The following LMO7 variants were observed in gnomAD, a reference collection of about 807,000 sequenced individuals.
LMO7 encodes the protein LIM domain 7, also known as LIM domain only protein 7.
Under a neutral mutation model 206.5 loss-of-function variants are expected in LMO7, and 120 were observed. That is an observed-to-expected ratio of 0.58 (90% CI 0.50 to 0.68). The LOEUF is 0.68. Ranked by LOEUF, LMO7 falls within the 30% of genes least tolerant of loss-of-function variation. The probability of loss-of-function intolerance (pLI) is 0.00; values close to 1 mark genes in which losing one functional copy is unlikely to be tolerated. For missense variants in LMO7, 1,959 were observed against 1,957.9 expected (o/e 1.00, Z -0.01); for synonymous variants, 706 against 681.5 (o/e 1.04, Z -0.56).
At chr13:75,752,392 C>T (rs1048353035) in intron 3 of LMO7, among the ~76,000 whole-genome samples, 4 of 152,158 alleles carry the variant, frequency 2.6e-5, no homozygotes, top group African/African-American at 9.7e-5. Flanking sequence ...CTCAGCCTCC[C>T]ACAGTGCTGG....
chr13:75,706,601 A>G (rs951172471), intron 1 of LMO7, among the ~76,000 whole-genome samples: 3 of 152,276 alleles, frequency 2.0e-5, no homozygotes, highest in East Asian at 1.9e-4. Flanking sequence ...ACCTACACCC[A>G]TGCACACACA....
chr13:75,807,595 C>T lies in LMO7; in HGVS notation c.1312C>T (p.Leu438Phe). The T allele has an allele frequency of 6.2e-7, 1 of 1,614,004 alleles. No homozygotes were observed. Among genetic ancestry groups the T allele is most frequent in the Non-Finnish European group, 8.5e-7 (1 of 1,179,890 alleles). Residue 438 changes from leucine (L) to phenylalanine (F), a missense_variant, in exon 10 of 31, where the codon CTC (leucine) becomes TTC (phenylalanine). Physicochemically the swap from Leu to Phe is conservative, Grantham distance 22. Transcript: ENST00000377534. ...GPRLITRRKNLSYAPGYRRDD... is the reference protein window; with the variant it reads ...GPRLITRRKNFSYAPGYRRDD... ...AAGGCTCATAACCCGCAGGAAGAAT[C>T]TCTCTTATGCACCAGGCTATAGAAG...
chr13:75,644,688 G>A (rs2036858052), intron 1 of LMO7, among the ~76,000 whole-genome samples: 1 of 152,158 alleles, frequency 6.6e-6, no homozygotes, highest in Admixed American at 6.5e-5. Context: ...GAGTGCAGTG[G>A]TATGATCATA....
intron 2 of LMO7, among the ~76,000 whole-genome samples, chr13:75,715,731 A>G (rs143839608): frequency 2.0e-5 from 3 of 152,348 alleles, no homozygotes; most frequent in Middle Eastern, 3.4e-3. Flanking sequence ...CCAGATAACC[A>G]TATTTAGTAT....
intron 1 of LMO7, among the ~76,000 whole-genome samples, chr13:75,645,766 A>G (rs1487590113): frequency 6.6e-6 from 1 of 152,126 alleles, no homozygotes; most frequent in Non-Finnish European, 1.5e-5. Context: ...ATTGCCCTCT[A>G]GGTTTTTCTT....
chr13:75,783,433 C>T (rs917168316), intron 4 of LMO7, among the ~76,000 whole-genome samples: 3 of 152,140 alleles, frequency 2.0e-5, no homozygotes, highest in African/African-American at 7.2e-5. Context: ...AATTGATCCT[C>T]CCACCTCAGC....
chr13:75,736,159 T>C (rs190151953), intron 3 of LMO7, among the ~76,000 whole-genome samples: 38 of 152,376 alleles, frequency 2.5e-4, no homozygotes, highest in African/African-American at 8.9e-4. Context: ...AGAAATTCTA[T>C]CTAGTTTAGA....
intron 13 of LMO7, among the ~76,000 whole-genome samples, 153 bp downstream of exon 13, chr13:75,819,688 T>C (rs2057386226): frequency 6.6e-6 from 1 of 152,158 alleles, no homozygotes; most frequent in African/African-American, 2.4e-5. Flanking sequence ...TGGTCTGCGG[T>C]GAAAAAACAA....
intron 3 of LMO7, among the ~76,000 whole-genome samples, chr13:75,755,204 T>C (rs555894348): frequency 3.3e-5 from 5 of 152,266 alleles, no homozygotes; most frequent in African/African-American, 1.2e-4. Flanking sequence ...GCGGCTGGTC[T>C]TCACTGCCGC....
intron 7 of LMO7, among the ~76,000 whole-genome samples, chr13:75,803,826 T>C (rs1477436227): frequency 6.6e-6 from 1 of 152,158 alleles, no homozygotes. Context: ...TTTTTTTTTT[T>C]CTTCTCTTTC....
chr13:75,821,024 A>G (rs886487499), intron 13 of LMO7, among the ~76,000 whole-genome samples, 153 bp from the exon 14 acceptor site: 5 of 151,528 alleles, frequency 3.3e-5, no homozygotes, highest in Admixed American at 2.6e-4. Context: ...AGATAATTGT[A>G]TACATCTTTA....
At chr13:75,636,857 G>A in intron 1 of LMO7, 131 bp downstream of exon 1, 1 of 876,310 alleles carries the variant, frequency 1.1e-6, no homozygotes, top group South Asian at 1.4e-5. Context: ...GAACAAGCTG[G>A]TTTGCTTGTG....
chr13:75,675,791 A>G (rs960279360), intron 1 of LMO7, among the ~76,000 whole-genome samples: 1 of 152,244 alleles, frequency 6.6e-6, no homozygotes, highest in Non-Finnish European at 1.5e-5. Flanking sequence ...TTGGCCAGTG[A>G]GACATGATGC....
intron 14 of LMO7, among the ~76,000 whole-genome samples, chr13:75,822,217 C>T (rs2099204713): frequency 6.6e-6 from 1 of 152,132 alleles, no homozygotes; most frequent in Non-Finnish European, 1.5e-5. Flanking sequence ...GGAAGCAACA[C>T]AGTCCTAAGA....
In LMO7 at chr13:75,855,379, G is replaced by GACAA; in HGVS notation, c.4770+15_4770+18dup. 2 of 1,569,436 alleles carry GACAA rather than the reference G, an allele frequency of 1.3e-6. No homozygotes were observed. Among genetic ancestry groups the GACAA allele is most frequent in the Non-Finnish European group, 1.8e-6 (2 of 1,140,180 alleles). On this transcript the variant is annotated intron_variant, in intron 29 of 30. Coordinates refer to ENST00000377534, the MANE Select transcript of LMO7 (RefSeq NM_001306080.2). ...TTGCATTGTTTTAAGGTGAGACTGA[G>GACAA]ACAAACAGCTTGCAGGCCTGCAAAG... is the stretch of plus-strand genomic sequence containing the variant.
rs771973280 is a variant in LMO7 at position 75,849,300 on chromosome 13, A to T, written c.4364+8A>T. ...TCCTGGGATCATGAGAAGGTGCGAG[A>T]CATCTTAGGAATTGGTTTCTTGTCT... On this transcript the variant is annotated splice_region_variant and intron_variant, in intron 27 of 30. Coordinates refer to ENST00000377534, the MANE Select transcript of LMO7 (RefSeq NM_001306080.2). 1.2e-6 allele frequency: 2 copies of T among 1,605,648 alleles called. No homozygotes were observed. The highest frequency in any genetic ancestry group is 1.7e-6 in the Non-Finnish European group (2 of 1,172,380).
intron 1 of LMO7, among the ~76,000 whole-genome samples, chr13:75,639,218 G>A (rs1333857346): frequency 1.3e-5 from 2 of 152,084 alleles, no homozygotes; most frequent in Non-Finnish European, 2.9e-5. Flanking sequence ...AGTGGAGGAG[G>A]AAGAGTGAGG....
intron 1 of LMO7, among the ~76,000 whole-genome samples, chr13:75,646,428 A>G (rs1168306803): frequency 6.6e-6 from 1 of 152,182 alleles, no homozygotes; most frequent in Non-Finnish European, 1.5e-5. Context: ...TTTCCATTAC[A>G]TTAAGAATAA....
intron 1 of LMO7, among the ~76,000 whole-genome samples, chr13:75,709,003 T>C (rs1418841313): frequency 2.0e-5 from 3 of 151,754 alleles, no homozygotes; most frequent in Non-Finnish European, 2.9e-5. Flanking sequence ...TGTGTCCATG[T>C]GTTCTCATTG....
Sources: gnomAD v4.1 joint callset for allele counts (sites outside exome capture counted in the v4.1 genomes callset) on GRCh38, gnomAD v4.1.1 for gene constraint, MANE v1.5 for transcripts, NCBI Gene and HGNC (gene_info 2026-07-23, HGNC 2026-07-21) for gene names.